TFDP2: variants seen among roughly 807,000 people sequenced by gnomAD.
TFDP2 encodes the protein transcription factor Dp-2, also known as transcription factor Dp-2 (E2F dimerization partner 2).
A neutral mutation model predicts 59.3 loss-of-function variants in TFDP2; 17 were observed. The observed-to-expected ratio is 0.29, with a 90% confidence interval of 0.20 to 0.43. The LOEUF is 0.43. TFDP2 is among the 20% of genes least tolerant of loss of function. TFDP2 has a pLI of 1.00. For missense variants in TFDP2, 391 were observed against 528.8 expected, an observed-to-expected ratio of 0.74 and a Z score of 2.56; for synonymous variants, 180 against 194.7, an observed-to-expected ratio of 0.92 and a Z score of 0.63.
chr3:142,046,829 C>T (rs942147868), intron 3 of TFDP2, among the ~76,000 whole-genome samples: 3 of 151,920 alleles, frequency 2.0e-5, no homozygotes, highest in Non-Finnish European at 4.4e-5. Flanking sequence ...CAAATTTGAC[C>T]GAAGCATAAG....
In TFDP2 at chr3:141,945,916, C is replaced by CA. The variant is rs1935198966; in HGVS notation, c.*6596dup. On this transcript the variant is annotated 3_prime_UTR_variant, in exon 13 of 13. Coordinates refer to ENST00000489671, the MANE Select transcript of TFDP2 (RefSeq NM_001178139.2). ...GTCACTGAACTTCTTGGGCCCCTGC[C>CA]AATGGCCAGCATGGGGAGCCCTTGT... 6.6e-6 allele frequency: 1 copy of CA among 152,250 alleles called. No homozygotes were observed. Among genetic ancestry groups the CA allele is most frequent in the South Asian group, 2.1e-4 (1 of 4,824 alleles). 9.4% of individuals were successfully genotyped at this position (152,250 alleles called of 1,614,324 possible). A position where few individuals can be genotyped will look rare whatever the true frequency, so the allele number is the denominator to read the frequency against.
At chr3:142,043,308 AAGTGCTGGGATTAC>A (rs1947119330) in intron 3 of TFDP2, among the ~76,000 whole-genome samples, 2 of 151,396 alleles carry the variant, frequency 1.3e-5, no homozygotes, top group Non-Finnish European at 2.9e-5. Flanking sequence ...CGGCCTCCCA[AAGTGCTGGGATTAC>A]AGGCGTGAGC....
chr3:142,106,031 T>C (rs2108657716), intron 1 of TFDP2, among the ~76,000 whole-genome samples: 1 of 151,952 alleles, frequency 6.6e-6, no homozygotes, highest in South Asian at 2.1e-4. Context: ...AAATAAATAA[T>C]ACATAATTCC....
intron 10 of TFDP2, among the ~76,000 whole-genome samples, chr3:141,963,551 T>A (rs905948861): frequency 6.6e-6 from 1 of 152,102 alleles, no homozygotes; most frequent in Non-Finnish European, 1.5e-5. Flanking sequence ...CAGCACGTCA[T>A]AGGTTGGGCC....
At chr3:142,099,541 A>T (rs888843646) in intron 2 of TFDP2, among the ~76,000 whole-genome samples, 7 of 151,992 alleles carry the variant, frequency 4.6e-5, no homozygotes, top group African/African-American at 1.7e-4. Flanking sequence ...GTCTCTACTA[A>T]AAATACAAAA....
intron 3 of TFDP2, among the ~76,000 whole-genome samples, chr3:142,006,750 A>G (rs1385526285): frequency 6.6e-6 from 1 of 151,516 alleles, no homozygotes; most frequent in Non-Finnish European, 1.5e-5. Flanking sequence ...TAAAGGCTTG[A>G]GCCACGGCAC....
At chr3:142,005,319 G>C (rs976842495) in intron 4 of TFDP2, 122 bp downstream of exon 4, 1 of 740,480 alleles carries the variant, frequency 1.4e-6, no homozygotes, top group Non-Finnish European at 2.2e-6. Context: ...GATTACAGGA[G>C]TGAGCCACCT....
intron 3 of TFDP2, 140 bp from the exon 4 acceptor site, chr3:142,005,684 C>A (rs1944151504): frequency 3.8e-6 from 2 of 531,926 alleles, no homozygotes; most frequent in Non-Finnish European, 6.4e-6. Flanking sequence ...ACAAAATACA[C>A]CTTACTGAAA....
chr3:142,042,630 C>CTTTTTTTTTTTTTTTTT (rs66981475), intron 3 of TFDP2, among the ~76,000 whole-genome samples: 25 of 108,194 alleles, frequency 2.3e-4, no homozygotes, highest in East Asian at 5.5e-4. Flanking sequence ...CTTTTCTTTT[C>CTTTTTTTTTTTTTTTTT]TTTTTTTTTT....
chr3:142,086,785 T>C (rs1023500185), intron 3 of TFDP2, among the ~76,000 whole-genome samples: 1 of 152,060 alleles, frequency 6.6e-6, no homozygotes, highest in African/African-American at 2.4e-5. Flanking sequence ...CTCCAATGGA[T>C]AGAGGGTAGA....
intron 3 of TFDP2, among the ~76,000 whole-genome samples, chr3:142,032,022 T>C (rs1263254974): frequency 2.0e-5 from 3 of 152,222 alleles, no homozygotes; most frequent in Non-Finnish European, 2.9e-5. Flanking sequence ...CTTAAAAACA[T>C]TGCATAGTAA....
intron 6 of TFDP2, among the ~76,000 whole-genome samples, chr3:141,983,968 C>T (rs1176106942): frequency 1.3e-5 from 2 of 152,162 alleles, no homozygotes; most frequent in Non-Finnish European, 2.9e-5. Context: ...TGGGTATACA[C>T]CCAGATGAAT....
At chr3:141,987,807 C>T (rs1235095934) in intron 6 of TFDP2, among the ~76,000 whole-genome samples, 2 of 150,420 alleles carry the variant, frequency 1.3e-5, no homozygotes, top group South Asian at 2.1e-4. Flanking sequence ...GGCATGATGG[C>T]AGGTGCCTGT....
At chr3:142,011,470 T>G in intron 3 of TFDP2, among the ~76,000 whole-genome samples, 1 of 123,190 alleles carries the variant, frequency 8.1e-6, no homozygotes, top group African/African-American at 3.0e-5. Context: ...GGGATAGCAT[T>G]GGGAGATATA....
At chr3:142,149,029 C>G (rs1355443848) in intron 1 of TFDP2, among the ~76,000 whole-genome samples, 154 bp downstream of exon 1, 1 of 152,232 alleles carries the variant, frequency 6.6e-6, no homozygotes. Context: ...ACGGGTTACC[C>G]GGCCAGGCCT....
At chr3:142,138,109 G>C (rs1006561455) in intron 1 of TFDP2, among the ~76,000 whole-genome samples, 30 of 152,168 alleles carry the variant, frequency 2.0e-4, no homozygotes, top group Non-Finnish European at 4.0e-4. Flanking sequence ...TTGGGAGGGT[G>C]TATGTGTCCA....
At chr3:142,007,065 C>T (rs962602352) in intron 3 of TFDP2, among the ~76,000 whole-genome samples, 1 of 152,158 alleles carries the variant, frequency 6.6e-6, no homozygotes, top group Non-Finnish European at 1.5e-5. Flanking sequence ...TGAGCCACCA[C>T]GCCTGGCCCT....
chr3:141,969,033 CAT>C lies in TFDP2; in HGVS notation c.732+1038_732+1039del, dbSNP rs201426545. The stretch of plus-strand genomic sequence containing the variant: ...ATAGATATATATATAACATATATCT[CAT>C]ATATAGATATATATATAACATATAT... On this transcript the variant is annotated intron_variant, in intron 9 of 12. Transcript: ENST00000489671. Among the ~76,000 whole-genome samples, 168 of 65,842 alleles carry C rather than the reference CAT, an allele frequency of 2.6e-3. 20 individuals carry two copies. The highest frequency in any genetic ancestry group is 9.4e-3 in the African/African-American group (153 of 16,348). 43.2% of individuals were successfully genotyped at this position (65,842 alleles called of 152,430 possible). A position where few individuals can be genotyped will look rare whatever the true frequency, so the allele number is the denominator to read the frequency against.
chr3:142,115,445 A>G (rs2061822113), intron 1 of TFDP2, among the ~76,000 whole-genome samples: 1 of 151,416 alleles, frequency 6.6e-6, no homozygotes, highest in Non-Finnish European at 1.5e-5. Flanking sequence ...CAGCCTCCTG[A>G]GTAGCTGGGA....
Sources: gnomAD v4.1 joint callset for allele counts (sites outside exome capture counted in the v4.1 genomes callset) on GRCh38, gnomAD v4.1.1 for gene constraint, MANE v1.5 for transcripts, NCBI Gene and HGNC (gene_info 2026-07-23, HGNC 2026-07-21) for gene names.